RSU1: variants seen among roughly 807,000 people sequenced by gnomAD.
RSU1 encodes rsu-1.
A neutral mutation model predicts 31.1 loss-of-function variants in RSU1; 26 were observed. That is an observed-to-expected ratio of 0.84 (90% CI 0.61 to 1.16). The LOEUF is 1.16. Ranked by LOEUF, RSU1 falls within the 50% of genes most tolerant of loss-of-function variation. The pLI is 0.00. For synonymous variants in RSU1, 164 were observed against 136.3 expected (o/e 1.20, Z -1.41); for missense variants, 320 against 339.1 (o/e 0.94, Z 0.44).
At chr10:16,775,795 A>AT (rs997997738) in intron 3 of RSU1, among the ~76,000 whole-genome samples, 14 of 152,304 alleles carry the variant, frequency 9.2e-5, no homozygotes, top group African/African-American at 2.6e-4. Context: ...TACTATGCAT[A>AT]TTTTTTTAAC....
At chr10:16,641,389 G>A (rs890979824) in intron 8 of RSU1, among the ~76,000 whole-genome samples, 3 of 152,002 alleles carry the variant, frequency 2.0e-5, no homozygotes, top group African/African-American at 7.3e-5. Flanking sequence ...CTACTCGGGA[G>A]GCTGAGGCAG....
At chr10:16,650,255 A>G (rs897821656) in intron 8 of RSU1, among the ~76,000 whole-genome samples, 1 of 152,200 alleles carries the variant, frequency 6.6e-6, no homozygotes, top group Admixed American at 6.5e-5. Flanking sequence ...TGACAGGAGG[A>G]GGCAGGTTCA....
At chr10:16,741,108 T>C (rs540269971) in intron 7 of RSU1, among the ~76,000 whole-genome samples, 12 of 152,196 alleles carry the variant, frequency 7.9e-5, no homozygotes, top group East Asian at 1.9e-4. Flanking sequence ...CGCATAAGGA[T>C]AGACATATAA....
chr10:16,773,770 C>G (rs773347353), intron 3 of RSU1, among the ~76,000 whole-genome samples: 2 of 152,088 alleles, frequency 1.3e-5, no homozygotes, highest in Non-Finnish European at 2.9e-5. Flanking sequence ...TCTTTCCACA[C>G]AGTGCTGGTT....
chr10:16,595,699 A>C (rs1400623560), intron 8 of RSU1, among the ~76,000 whole-genome samples: 4 of 152,110 alleles, frequency 2.6e-5, no homozygotes, highest in Non-Finnish European at 4.4e-5. Context: ...CAGAAGAAGA[A>C]ACAACTCCTT....
At chr10:16,635,300 C>G (rs909767884) in intron 8 of RSU1, among the ~76,000 whole-genome samples, 8 of 152,190 alleles carry the variant, frequency 5.3e-5, no homozygotes, top group Admixed American at 2.6e-4. Flanking sequence ...CTTCTTCAGT[C>G]CATTCTCTAT....
intron 7 of RSU1, among the ~76,000 whole-genome samples, chr10:16,737,988 C>T (rs767815167): frequency 9.2e-5 from 14 of 152,152 alleles, no homozygotes; most frequent in South Asian, 4.1e-4. Flanking sequence ...CAAAATGTTT[C>T]GGATATCTCC....
intron 2 of RSU1, among the ~76,000 whole-genome samples, chr10:16,790,133 A>T (rs1837881669): frequency 6.6e-6 from 1 of 152,176 alleles, no homozygotes; most frequent in South Asian, 2.1e-4. Flanking sequence ...ATCAGCAGGA[A>T]AATGCTCAAA....
chr10:16,683,609 T>G (rs1835378458), intron 8 of RSU1, among the ~76,000 whole-genome samples: 1 of 152,146 alleles, frequency 6.6e-6, no homozygotes, highest in Non-Finnish European at 1.5e-5. Flanking sequence ...TTTGTTGAAG[T>G]CCTAACCTCC....
At chr10:16,610,953 A>T (rs1417723678) in intron 8 of RSU1, among the ~76,000 whole-genome samples, 1 of 152,198 alleles carries the variant, frequency 6.6e-6, no homozygotes, top group Non-Finnish European at 1.5e-5. Context: ...GATATTGGAA[A>T]GGTTTTTAAG....
At chr10:16,736,962 T>A (rs1836640217) in intron 7 of RSU1, among the ~76,000 whole-genome samples, 1 of 127,184 alleles carries the variant, frequency 7.9e-6, no homozygotes, top group African/African-American at 3.0e-5. Context: ...ACAAAAAAAA[T>A]CACTGAACTT....
At chr10:16,679,673 C>T (rs1033247810) in intron 8 of RSU1, among the ~76,000 whole-genome samples, 3 of 152,262 alleles carry the variant, frequency 2.0e-5, no homozygotes, top group Admixed American at 6.5e-5. Context: ...TGTATCTCTG[C>T]TGGGATGTAA....
rs556858326 is a variant in RSU1 at position 16,798,726 on chromosome 10, T to C, written c.110-16642A>G. Among the ~76,000 whole-genome samples, 6 of 152,242 alleles carry C rather than the reference T, an allele frequency of 3.9e-5. No individual in the cohort carries two copies. In the South Asian group the frequency reaches 1.2e-3, roughly 32 times the overall value. On this transcript the variant is annotated intron_variant, in intron 2 of 8. Coordinates refer to ENST00000345264, the MANE Select transcript of RSU1 (RefSeq NM_012425.4). ...TTCAAACTTTAAAGAGCATACTACA[T>C]ACCTGGGAAATAATCAGACCAGAAT...
At chr10:16,604,844 C>G (rs939503918) in intron 8 of RSU1, among the ~76,000 whole-genome samples, 2 of 152,154 alleles carry the variant, frequency 1.3e-5, no homozygotes, top group African/African-American at 4.8e-5. Flanking sequence ...ACGGGGCCAA[C>G]AAGAGCCAGC....
intron 8 of RSU1, among the ~76,000 whole-genome samples, chr10:16,649,241 G>T (rs1471610549): frequency 6.6e-6 from 1 of 152,096 alleles, no homozygotes; most frequent in Non-Finnish European, 1.5e-5. Flanking sequence ...TATGAATCAC[G>T]AAGGCATATT....
chr10:16,758,269 G>A (rs1000522433), intron 4 of RSU1, among the ~76,000 whole-genome samples: 9 of 152,168 alleles, frequency 5.9e-5, no homozygotes, highest in Non-Finnish European at 1.3e-4. Flanking sequence ...CCACCTCTCC[G>A]GACACCAGTC....
intron 8 of RSU1, among the ~76,000 whole-genome samples, chr10:16,642,076 G>A (rs1178528148): frequency 1.3e-5 from 2 of 152,100 alleles, no homozygotes; most frequent in Non-Finnish European, 1.5e-5. Flanking sequence ...TTTAGGATAT[G>A]GAAACAGAGA....
At chr10:16,799,829 G>A (rs1838112825) in intron 2 of RSU1, among the ~76,000 whole-genome samples, 1 of 152,144 alleles carries the variant, frequency 6.6e-6, no homozygotes, top group Admixed American at 6.5e-5. Flanking sequence ...TCTCAATTTG[G>A]TAGCCGGGGG....
intron 7 of RSU1, among the ~76,000 whole-genome samples, chr10:16,742,880 T>A (rs1836780475): frequency 1.3e-5 from 2 of 152,196 alleles, no homozygotes; most frequent in Middle Eastern, 3.2e-3. Context: ...GAAATACAAT[T>A]CACTTAGCAT....
Sources: allele counts gnomAD v4.1 joint callset (sites outside exome capture counted in the v4.1 genomes callset), GRCh38; gene constraint gnomAD v4.1.1; transcripts MANE v1.5; gene names NCBI Gene and HGNC (gene_info 2026-07-23, HGNC 2026-07-21).